The following NKAIN1 variants were observed in gnomAD, a reference collection of about 807,000 sequenced individuals.
NKAIN1 encodes the protein sodium/potassium-transporting ATPase subunit beta-1-interacting protein 1.
Under a neutral mutation model 31.6 loss-of-function variants are expected in NKAIN1, and 13 were observed. The observed-to-expected ratio is 0.41, with a 90% CI of 0.27 to 0.65. NKAIN1 has a LOEUF of 0.65. NKAIN1 is among the 30% of genes least tolerant of loss of function. The pLI, the probability that NKAIN1 is intolerant of heterozygous loss-of-function variation, is 0.30. For missense variants in NKAIN1, 193 were observed against 262.2 expected, an observed-to-expected ratio of 0.74 and a Z score of 1.82; for synonymous variants, 104 against 109.0, an observed-to-expected ratio of 0.95 and a Z score of 0.28.
intron 1 of NKAIN1, among the ~76,000 whole-genome samples, chr1:31,195,885 C>T (rs1220317385): frequency 2.4e-5 from 3 of 125,952 alleles, no homozygotes; most frequent in African/African-American, 9.0e-5. Flanking sequence ...TGATAGCCTA[C>T]CTGTCTCAAA....
At chr1:31,231,612 G>C (rs1460523992) in intron 1 of NKAIN1, among the ~76,000 whole-genome samples, 1 of 152,032 alleles carries the variant, frequency 6.6e-6, no homozygotes, top group Admixed American at 6.5e-5. Context: ...CTCACTGCAA[G>C]CTCCGCCTCC....
At chr1:31,237,250 C>T (rs1306719858) in intron 1 of NKAIN1, among the ~76,000 whole-genome samples, 1 of 152,128 alleles carries the variant, frequency 6.6e-6, no homozygotes, top group Non-Finnish European at 1.5e-5. Flanking sequence ...GCCCATGTCT[C>T]AAACAAAAAC....
intron 1 of NKAIN1, among the ~76,000 whole-genome samples, chr1:31,220,438 C>T (rs1245029723): frequency 6.6e-6 from 1 of 151,962 alleles, no homozygotes; most frequent in Admixed American, 6.6e-5. Flanking sequence ...CTACCGTATC[C>T]CCAGCACCTA....
intron 1 of NKAIN1, among the ~76,000 whole-genome samples, chr1:31,210,216 C>G (rs1252829039): frequency 7.2e-5 from 11 of 152,006 alleles, no homozygotes; most frequent in Admixed American, 7.2e-4. Flanking sequence ...AGAACTGCAA[C>G]CTCAGAAGCC....
In NKAIN1 at chr1:31,199,873, C is replaced by T. The variant is rs535710553; in HGVS notation, c.55-11686G>A. Among the ~76,000 whole-genome samples, 4 of 152,202 alleles carry T rather than the reference C, an allele frequency of 2.6e-5. No individual in the cohort carries two copies. In the South Asian group the frequency reaches 8.3e-4, roughly 32 times the overall value. ...GGCGTGTATCCTGCCTCAGAGAGCT[C>T]GTCTGGAGACAGAGACCACTGTCCT... On this transcript the variant is annotated intron_variant, in intron 1 of 6. Coordinates refer to ENST00000373736, the MANE Select transcript of NKAIN1 (RefSeq NM_024522.3).
At position 31,223,105 on chromosome 1, in the gene NKAIN1, G is replaced by A. The variant is rs116737765; in HGVS notation, c.54+16389C>T. ...AAATGCTCCATAAACGGCCAGGCGC[G>A]GCGGCTCACGCCTGTAATCCCAGCA... On this transcript the variant is annotated intron_variant, in intron 1 of 6. Transcript: ENST00000373736. 3.0e-3 allele frequency among the ~76,000 whole-genome samples: 461 copies of A among 152,190 alleles called. 1 individual carries two copies. The highest frequency in any genetic ancestry group is 0.011 in the African/African-American group (441 of 41,564).
At chr1:31,230,429 C>G (rs1386255371) in intron 1 of NKAIN1, among the ~76,000 whole-genome samples, 1 of 152,208 alleles carries the variant, frequency 6.6e-6, no homozygotes, top group Non-Finnish European at 1.5e-5. Context: ...CAGTCCACCT[C>G]CTTGTCTCTG....
chr1:31,197,545 C>CTTT (rs754860679), intron 1 of NKAIN1, among the ~76,000 whole-genome samples: 5 of 111,392 alleles, frequency 4.5e-5, no homozygotes, highest in African/African-American at 1.4e-4. Flanking sequence ...CGTGCCCGGC[C>CTTT]TTTTTTTTTT....
chr1:31,217,532 A>T (rs902134249), intron 1 of NKAIN1, among the ~76,000 whole-genome samples: 2 of 151,730 alleles, frequency 1.3e-5, no homozygotes, highest in Non-Finnish European at 2.9e-5. Flanking sequence ...CTCCCTACCA[A>T]CCCCCACCCG....
intron 1 of NKAIN1, among the ~76,000 whole-genome samples, chr1:31,197,971 G>A (rs1373045725): frequency 6.6e-6 from 1 of 152,134 alleles, no homozygotes; most frequent in Non-Finnish European, 1.5e-5. Flanking sequence ...TCCCACCTCA[G>A]CCTCCTGAGT....
chr1:31,225,835 G>C (rs1645600075), intron 1 of NKAIN1, among the ~76,000 whole-genome samples: 1 of 152,206 alleles, frequency 6.6e-6, no homozygotes, highest in Non-Finnish European at 1.5e-5. Flanking sequence ...AGGAGAAGCT[G>C]GCTGGAGGCT....
intron 1 of NKAIN1, among the ~76,000 whole-genome samples, chr1:31,216,607 G>C (rs1489366948): frequency 6.6e-6 from 1 of 152,186 alleles, no homozygotes; most frequent in Non-Finnish European, 1.5e-5. Context: ...CCTGCTAGGA[G>C]AGCTGGAGGA....
intron 1 of NKAIN1, among the ~76,000 whole-genome samples, chr1:31,200,975 G>A (rs949313702): frequency 6.6e-6 from 1 of 152,080 alleles, no homozygotes; most frequent in Admixed American, 6.6e-5. Flanking sequence ...TGGGATTACA[G>A]GTGACTGCCA....
rs925481278 is a variant in NKAIN1, at chr1:31,239,745, C to A, written c.-198G>T. ...CCGCGCTCCGAGTCCATGGTCCGTCCGTCCGCGCGCTGGCCCCGCCGAGCC... is the reference window on the plus strand; with the variant it reads ...CCGCGCTCCGAGTCCATGGTCCGTCAGTCCGCGCGCTGGCCCCGCCGAGCC... On this transcript the variant is annotated 5_prime_UTR_variant, in exon 1 of 7. Transcript: ENST00000373736. This position sits in a 1 kb window ranked among gnomAD's most constrained non-coding sequence, Gnocchi z 4.8. Among the ~76,000 whole-genome samples, 1 of 151,140 alleles carries A rather than the reference C, an allele frequency of 6.6e-6. No homozygotes were observed. The highest frequency in any genetic ancestry group is 1.9e-4 in the East Asian group (1 of 5,144).
chr1:31,208,642 C>G (rs1424768086), intron 1 of NKAIN1, among the ~76,000 whole-genome samples: 7 of 101,654 alleles, frequency 6.9e-5, no homozygotes, highest in Admixed American at 3.2e-4. Context: ...GGGGAGGGGG[C>G]CCTGGAAACC....
At chr1:31,237,452 T>G (rs968729460) in intron 1 of NKAIN1, among the ~76,000 whole-genome samples, 1 of 151,816 alleles carries the variant, frequency 6.6e-6, no homozygotes, top group Non-Finnish European at 1.5e-5. Context: ...TGGGACAAAC[T>G]GCTAACAGGT....
chr1:31,208,979 G>T (rs894313189), intron 1 of NKAIN1, among the ~76,000 whole-genome samples: 1 of 152,162 alleles, frequency 6.6e-6, no homozygotes, highest in Non-Finnish European at 1.5e-5. Context: ...ATCCAATGGG[G>T]TAACTGACAT....
chr1:31,183,811 A>G lies in NKAIN1; in HGVS notation c.471+6T>C, dbSNP rs1557648413. 1 of 1,610,202 alleles carries G rather than the reference A, an allele frequency of 6.2e-7. No individual in the cohort carries two copies. The highest frequency in any genetic ancestry group is 1.1e-5 in the South Asian group (1 of 90,456). On this transcript the variant is annotated splice_donor_region_variant and intron_variant, in intron 4 of 6. Transcript: ENST00000373736. ...TGTGTGTAGGGTGGGGGACAGAAGG[A>G]CTTACTGCCAGGAAGATCTGCAGGG...
chr1:31,183,727 C>T (rs578201592), intron 4 of NKAIN1, 90 bp downstream of exon 4: 59 of 1,367,008 alleles, frequency 4.3e-5, no homozygotes, highest in African/African-American at 3.6e-4. Context: ...GGATTGCAGG[C>T]GTGAGCCACT....
Sources: gnomAD v4.1 joint callset for allele counts (sites outside exome capture counted in the v4.1 genomes callset) on GRCh38, gnomAD v4.1.1 for gene constraint, Gnocchi (gnomAD v3.1) non-coding constraint, MANE v1.5 for transcripts, NCBI Gene and HGNC (gene_info 2026-07-23, HGNC 2026-07-21) for gene names.